The following METTL14 variants were observed in gnomAD, a reference collection of about 807,000 sequenced individuals.
The protein encoded by METTL14 is N(6)-adenosine-methyltransferase non-catalytic subunit METTL14.
In METTL14, 32 loss-of-function variants were observed where a neutral mutation model predicts 62.4. That is an observed-to-expected ratio of 0.51 (90% CI 0.39 to 0.69). The LOEUF is 0.69. METTL14 is among the 30% of genes least tolerant of loss of function. METTL14 has a pLI of 0.00. For missense variants in METTL14, 340 were observed against 551.9 expected (o/e 0.62, Z 3.85); for synonymous variants, 150 against 180.0 (o/e 0.83, Z 1.34).
intron 10 of METTL14, among the ~76,000 whole-genome samples, chr4:118,707,752 A>C (rs927351636): frequency 5.9e-5 from 9 of 151,934 alleles, no homozygotes; most frequent in Admixed American, 2.0e-4. Context: ...GGTATTTCAC[A>C]TATACCTTAG....
intron 1 of METTL14, chr4:118,686,643 G>A: frequency 2.2e-6 from 1 of 456,102 alleles, no homozygotes; most frequent in East Asian, 6.9e-5. Context: ...GGCAAATCAA[G>A]TATCCTTTCT....
intron 9 of METTL14, among the ~76,000 whole-genome samples, 165 bp from the exon 10 acceptor site, chr4:118,705,446 C>A (rs1478432945): frequency 6.6e-6 from 1 of 152,160 alleles, no homozygotes; most frequent in Non-Finnish European, 1.5e-5. Context: ...TGTACTCCAG[C>A]CTGGGTGACA....
In METTL14 at chr4:118,705,820, A is replaced by G; in HGVS notation, c.1065A>G (p.Pro355=). The change falls in exon 10 of 11, where the codon CCA becomes CCG. Residue 355 remains proline, a splice_region_variant and synonymous_variant. Coordinates refer to ENST00000388822, the MANE Select transcript of METTL14 (RefSeq NM_020961.4). ...TTGGAAGAGATAGTACAATTCGACCAGGTAGGACCTCAGTTAACAACAACT... is the reference window on the plus strand; with the variant it reads ...TTGGAAGAGATAGTACAATTCGACCGGGTAGGACCTCAGTTAACAACAACT... The part of the protein sequence containing the change: ...HLFGRDSTIR[P]GWLTVGPTLT... The G allele has an allele frequency of 6.2e-7, 1 of 1,609,848 alleles. No individual in the cohort carries two copies. Among genetic ancestry groups the G allele is most frequent in the South Asian group, 1.1e-5 (1 of 90,868 alleles).
At chr4:118,694,564 C>G in intron 6 of METTL14, 38 bp downstream of exon 6, 1 of 1,476,740 alleles carries the variant, frequency 6.8e-7, no homozygotes, top group Non-Finnish European at 9.5e-7. Flanking sequence ...ATTCCCAACT[C>G]AGGCTTAAAG....
intron 1 of METTL14, 71 bp from the exon 2 acceptor site, chr4:118,687,852 A>T (rs1445658108): frequency 1.9e-5 from 23 of 1,224,454 alleles, no homozygotes; most frequent in Non-Finnish European, 2.7e-5. Context: ...AATGTATTAA[A>T]TGCTGCTACA....
chr4:118,694,170 A>G (rs1417845421), intron 5 of METTL14, among the ~76,000 whole-genome samples: 1 of 148,364 alleles, frequency 6.7e-6, no homozygotes, highest in Non-Finnish European at 1.5e-5. Flanking sequence ...TGCTAGGGGT[A>G]ATGGTTTAAC....
At chr4:118,701,770 A>T (rs1579073632) in intron 8 of METTL14, among the ~76,000 whole-genome samples, 2 of 152,326 alleles carry the variant, frequency 1.3e-5, no homozygotes, top group Middle Eastern at 3.4e-3. Flanking sequence ...CAATTGAAAA[A>T]TTTAAGTAGG....
At position 118,713,644 on chromosome 4, in the gene METTL14, C is replaced by G. The variant is rs1724984571; in HGVS notation, c.*3342C>G. 1 of 152,150 alleles carries G rather than the reference C, an allele frequency of 6.6e-6. No individual in the cohort carries two copies. The highest frequency in any genetic ancestry group is 6.5e-5 in the Admixed American group (1 of 15,274). 9.4% of individuals were successfully genotyped at this position (152,150 alleles called of 1,614,324 possible). ...CTTATGCAGAAGGTCTTTCTTAGAA[C>G]AATCCTGTAATCTTAGGGTTCATGT... On this transcript the variant is annotated 3_prime_UTR_variant, in exon 11 of 11. Coordinates refer to ENST00000388822, the MANE Select transcript of METTL14 (RefSeq NM_020961.4).
chr4:118,707,731 A>G (rs1025786049), intron 10 of METTL14, among the ~76,000 whole-genome samples: 1 of 151,894 alleles, frequency 6.6e-6, no homozygotes, highest in Non-Finnish European at 1.5e-5. Context: ...TTCCTCAAGG[A>G]CATAGCCTAA....
chr4:118,691,659 C>A, intron 4 of METTL14, 47 bp downstream of exon 4: 1 of 934,050 alleles, frequency 1.1e-6, no homozygotes, highest in South Asian at 1.8e-5. Context: ...TATTTAAGTT[C>A]TATACCTGAA....
chr4:118,699,068 A>G (rs1724511920), intron 7 of METTL14, among the ~76,000 whole-genome samples: 1 of 152,210 alleles, frequency 6.6e-6, no homozygotes. Context: ...GTGAGTTTCA[A>G]GGAGAGTGTA....
chr4:118,708,917 T>C (rs1724839910), intron 10 of METTL14, among the ~76,000 whole-genome samples: 1 of 152,170 alleles, frequency 6.6e-6, no homozygotes, highest in Admixed American at 6.5e-5. Flanking sequence ...CGTGTCTGTA[T>C]TGGGTATTTG....
intron 6 of METTL14, among the ~76,000 whole-genome samples, chr4:118,695,016 G>A (rs1579069197): frequency 7.5e-6 from 1 of 134,130 alleles, no homozygotes; most frequent in Non-Finnish European, 1.8e-5. Context: ...ATTTTTAGTA[G>A]AGACGGGGTT....
chr4:118,691,911 A>G (rs1396290634), intron 4 of METTL14, 70 bp from the exon 5 acceptor site: 2 of 986,994 alleles, frequency 2.0e-6, no homozygotes, highest in African/African-American at 1.6e-5. Flanking sequence ...TTGTAATAGA[A>G]AACAGTACAG....
chr4:118,694,348 TG>T, intron 5 of METTL14, 87 bp from the exon 6 acceptor site: 1 of 910,716 alleles, frequency 1.1e-6, no homozygotes, highest in Non-Finnish European at 1.7e-6. Context: ...TGTATTATTT[TG>T]TTTTCTTGGG....
In METTL14 at chr4:118,686,619, G is replaced by A. The variant is rs192627159; in HGVS notation, c.66+1019G>A. 8.1e-5 allele frequency: 37 copies of A among 456,160 alleles called. No homozygotes were observed. The East Asian group carries it at 1.9e-3, about 23-fold the overall frequency. 28.3% of individuals were successfully genotyped at this position (456,160 alleles called of 1,614,324 possible). On this transcript the variant is annotated intron_variant, in intron 1 of 10. Coordinates refer to ENST00000388822, the MANE Select transcript of METTL14 (RefSeq NM_020961.4). ...TGTTCCTTTGTTCCTTATCCCGCTG[G>A]CATTACGATCTTGGGCAAATCAAGT... is the stretch of plus-strand genomic sequence containing the variant.
chr4:118,693,427 C>T (rs546785470), intron 5 of METTL14, among the ~76,000 whole-genome samples: 2 of 152,150 alleles, frequency 1.3e-5, no homozygotes, highest in South Asian at 2.1e-4. Flanking sequence ...GTACAAGTCT[C>T]TTAACCTGAT....
intron 6 of METTL14, among the ~76,000 whole-genome samples, chr4:118,695,508 C>G (rs1724381454): frequency 6.6e-6 from 1 of 152,064 alleles, no homozygotes; most frequent in Non-Finnish European, 1.5e-5. Flanking sequence ...GAGATCGCAC[C>G]ATTGCACTTT....
intron 7 of METTL14, among the ~76,000 whole-genome samples, chr4:118,698,124 T>C (rs1477183139): frequency 6.6e-6 from 1 of 151,868 alleles, no homozygotes; most frequent in African/African-American, 2.4e-5. Context: ...AAAGGTCAGA[T>C]TGGTGTTTGG....
Sources: allele counts gnomAD v4.1 joint callset (sites outside exome capture counted in the v4.1 genomes callset), GRCh38; gene constraint gnomAD v4.1.1; transcripts MANE v1.5; gene names NCBI Gene and HGNC (gene_info 2026-07-23, HGNC 2026-07-21).